The following PLXNC1 variants were observed in gnomAD, a reference collection of about 807,000 sequenced individuals.
PLXNC1 encodes the protein plexin C1.
Under a neutral mutation model 178.2 loss-of-function variants are expected in PLXNC1, and 75 were observed. The observed-to-expected ratio is 0.42, with a 90% CI of 0.35 to 0.51. The LOEUF (loss-of-function observed/expected upper bound fraction) is 0.51, where lower values mean the gene tolerates loss of function less well. Ranked by LOEUF, PLXNC1 falls within the 20% of genes least tolerant of loss-of-function variation. The pLI is 0.02. For missense variants in PLXNC1, 1,503 were observed against 1,984.4 expected (o/e 0.76, Z 4.61); for synonymous variants, 790 against 779.9 (o/e 1.01, Z -0.22).
chr12:94,296,257 C>T (rs1304477956), intron 24 of PLXNC1, among the ~76,000 whole-genome samples: 1 of 152,150 alleles, frequency 6.6e-6, no homozygotes, highest in African/African-American at 2.4e-5. Context: ...ACCTGCTGGG[C>T]TCAAATGATC....
At chr12:94,300,830 C>A in intron 27 of PLXNC1, 80 bp from the exon 28 acceptor site, 1 of 1,345,544 alleles carries the variant, frequency 7.4e-7, no homozygotes, top group Non-Finnish European at 1.0e-6. Flanking sequence ...ACAAAAACAC[C>A]CGTTTACAAA....
At chr12:94,299,065 T>C (rs946990486) in intron 27 of PLXNC1, among the ~76,000 whole-genome samples, 1 of 152,242 alleles carries the variant, frequency 6.6e-6, no homozygotes, top group Admixed American at 6.5e-5. Context: ...GAAATTTAAG[T>C]TGACCAGTAA....
intron 24 of PLXNC1, among the ~76,000 whole-genome samples, chr12:94,295,016 A>G (rs1967758330): frequency 6.6e-6 from 1 of 152,176 alleles, no homozygotes. Context: ...CTAAAGGGGG[A>G]ACTTTTATGG....
intron 12 of PLXNC1, among the ~76,000 whole-genome samples, chr12:94,246,123 G>A (rs985569799): frequency 1.3e-5 from 2 of 152,224 alleles, no homozygotes; most frequent in East Asian, 3.8e-4. Context: ...CCCCCAGCAG[G>A]GGCCAGCTCC....
At chr12:94,228,935 G>C (rs1964018733) in intron 9 of PLXNC1, among the ~76,000 whole-genome samples, 1 of 152,122 alleles carries the variant, frequency 6.6e-6, no homozygotes. Flanking sequence ...CAGAATTACT[G>C]GATTGTATTG....
rs137981172 is a variant in PLXNC1, at chr12:94,234,330, T to C, written c.1981-3334T>C. On this transcript the variant is annotated intron_variant, in intron 9 of 30. Coordinates refer to ENST00000258526, the MANE Select transcript of PLXNC1 (RefSeq NM_005761.3). ...TCAGAAGTAATCCTCTTAGACCTTTTGAAAGATAACTATTTCTTAGTGGTT... is the reference window on the plus strand; with the variant it reads ...TCAGAAGTAATCCTCTTAGACCTTTCGAAAGATAACTATTTCTTAGTGGTT... 1.9e-4 allele frequency among the ~76,000 whole-genome samples: 29 copies of C among 152,322 alleles called. No individual in the cohort carries two copies. In the East Asian group the frequency reaches 5.2e-3, roughly 27 times the overall value.
At chr12:94,166,668 A>G (rs2099710267) in intron 1 of PLXNC1, among the ~76,000 whole-genome samples, 2 of 152,060 alleles carry the variant, frequency 1.3e-5, no homozygotes, top group Admixed American at 6.5e-5. Context: ...TTAATTGCCC[A>G]GGTCACACAG....
chr12:94,179,654 T>A (rs1962230876), intron 2 of PLXNC1, among the ~76,000 whole-genome samples: 1 of 145,758 alleles, frequency 6.9e-6, no homozygotes, highest in South Asian at 2.1e-4. Flanking sequence ...GGCAAGAGAA[T>A]GGCTTGAACC....
chr12:94,280,310 C>T (rs7956505), intron 22 of PLXNC1: 16,789 of 156,394 alleles, frequency 0.11, 1,008 homozygotes, highest in Admixed American at 0.15. Context: ...AGGAGACTGT[C>T]GTGGGATTTT....
chr12:94,257,740 A>G (rs1314054822), intron 17 of PLXNC1, among the ~76,000 whole-genome samples: 2 of 151,908 alleles, frequency 1.3e-5, no homozygotes, highest in Non-Finnish European at 2.9e-5. Flanking sequence ...CCCCGTCTCT[A>G]CTAAAAATAC....
chr12:94,161,456 A>G (rs1332186714), intron 1 of PLXNC1, among the ~76,000 whole-genome samples: 1 of 152,070 alleles, frequency 6.6e-6, no homozygotes, highest in Non-Finnish European at 1.5e-5. Flanking sequence ...GAAACCACAT[A>G]TTTTTTACTC....
rs574764485 is a variant in PLXNC1 at position 94,176,205 on chromosome 12, T to C, written c.1204-5241T>C. On this transcript the variant is annotated intron_variant, in intron 2 of 30. Transcript: ENST00000258526. ...ATTGCTTCACTGATCATGTTCTTTT[T>C]CCGAGGCTGCCCACCTAAACTGAGC... Among the ~76,000 whole-genome samples, 282 of 152,332 alleles carry C rather than the reference T, an allele frequency of 1.9e-3. 2 individuals are homozygous for C. Among genetic ancestry groups the C allele is most frequent in the African/African-American group, 6.5e-3 (271 of 41,566 alleles).
rs775130513 is a variant in PLXNC1 at position 94,303,883 on chromosome 12, C to T, written c.4514C>T (p.Thr1505Ile). 6.2e-7 allele frequency: 1 copy of T among 1,608,714 alleles called. No individual in the cohort carries two copies. Among genetic ancestry groups the T allele is most frequent in the African/African-American group, 1.3e-5 (1 of 74,512 alleles). Residue 1505 changes from threonine to isoleucine, a missense_variant, in exon 29 of 31, where the codon ACT becomes ATT. By Grantham distance (89) the Thr-to-Ile change is moderately conservative. This residue lies in a region of PLXNC1 where 639 missense variants were observed against 979.7 expected (regional missense o/e 0.65). Transcript: ENST00000258526. ...LSSSEMEEFL[T>I]QESKKHENEF... The stretch of plus-strand genomic sequence containing the variant: ...TCCTCAGAAATGGAAGAATTTTTAA[C>T]TCAGGAATCTAAGGTATCATTAGAA...
At chr12:94,183,301 T>A (rs1962393003) in intron 3 of PLXNC1, among the ~76,000 whole-genome samples, 2 of 152,248 alleles carry the variant, frequency 1.3e-5, no homozygotes, top group Admixed American at 1.3e-4. Flanking sequence ...TATATCAAAA[T>A]GACCACACTG....
chr12:94,240,475 T>G lies in PLXNC1; in HGVS notation c.2121-10T>G. ...TGTCATGTGAGAGTTCTTTTTCTAC[T>G]CTTTTCTAGGATACAGGTTAGCCAT... On this transcript the variant is annotated splice_polypyrimidine_tract_variant and intron_variant, in intron 10 of 30. Transcript: ENST00000258526. 1 of 1,607,282 alleles carries G rather than the reference T, an allele frequency of 6.2e-7. No homozygotes were observed. The highest frequency in any genetic ancestry group is 1.1e-5 in the South Asian group (1 of 90,292).
intron 22 of PLXNC1, among the ~76,000 whole-genome samples, chr12:94,280,418 A>C (rs1305310514): frequency 6.6e-6 from 1 of 152,212 alleles, no homozygotes; most frequent in Non-Finnish European, 1.5e-5. Flanking sequence ...ATAGGCCTTG[A>C]CTAAGCAGGC....
At chr12:94,204,371 T>C (rs778228022) in intron 4 of PLXNC1, among the ~76,000 whole-genome samples, 2 of 152,224 alleles carry the variant, frequency 1.3e-5, no homozygotes, top group African/African-American at 2.4e-5. Context: ...TAGAGGTTTG[T>C]TGTGAATAAT....
At chr12:94,184,137 T>A (rs1962424747) in intron 3 of PLXNC1, among the ~76,000 whole-genome samples, 2 of 151,166 alleles carry the variant, frequency 1.3e-5, no homozygotes, top group South Asian at 2.1e-4. Flanking sequence ...TTTTTTTTTT[T>A]ATGGAGTCTT....
At position 94,260,427 on chromosome 12, in the gene PLXNC1, C is replaced by T. The variant is rs984884857; in HGVS notation, c.3252-215C>T. On this transcript the variant is annotated intron_variant, in intron 19 of 30. Coordinates refer to ENST00000258526, the MANE Select transcript of PLXNC1 (RefSeq NM_005761.3). The surrounding 1 kb of genome is among the most constrained non-coding windows in gnomAD (Gnocchi z 4.4). ...TAAAACATCCCGAAACTTTGGAAGA[C>T]TCACATCTTGTTACCACTCTAGTTT... 2.6e-5 allele frequency among the ~76,000 whole-genome samples: 4 copies of T among 151,446 alleles called. No homozygotes were observed. The highest frequency in any genetic ancestry group is 2.0e-4 in the Admixed American group (3 of 15,206).
Sources: allele counts gnomAD v4.1 joint callset (sites outside exome capture counted in the v4.1 genomes callset), GRCh38; gene constraint gnomAD v4.1.1; regional missense constraint gnomAD v4.1.1; non-coding constraint Gnocchi (gnomAD v3.1); transcripts MANE v1.5; gene names NCBI Gene and HGNC (gene_info 2026-07-23, HGNC 2026-07-21).